FRMD3: variants seen among roughly 807,000 people sequenced by gnomAD.
FRMD3 encodes FERM domain-containing protein 3.
A neutral mutation model predicts 70.2 loss-of-function variants in FRMD3; 33 were observed. The ratio of observed to expected loss-of-function variants is 0.47; its 90% CI spans 0.36 to 0.63. The LOEUF (loss-of-function observed/expected upper bound fraction) is 0.63, where lower values mean the gene tolerates loss of function less well. FRMD3 is among the 20% of genes least tolerant of loss of function. The probability of loss-of-function intolerance (pLI) is 0.00; values close to 1 mark genes in which losing one functional copy is unlikely to be tolerated. For missense variants in FRMD3, 632 were observed against 711.4 expected, an observed-to-expected ratio of 0.89 and a Z score of 1.27; for synonymous variants, 279 against 255.9, an observed-to-expected ratio of 1.09 and a Z score of -0.86.
chr9:83,377,486 G>T (rs370918193), intron 2 of FRMD3, among the ~76,000 whole-genome samples: 2 of 151,944 alleles, frequency 1.3e-5, no homozygotes, highest in Admixed American at 1.3e-4. Flanking sequence ...CAATGTTGGA[G>T]GTGGGGCCTG....
At chr9:83,297,837 A>ATT (rs779808197) in intron 12 of FRMD3, 1 of 471,716 alleles carries the variant, frequency 2.1e-6, no homozygotes, top group South Asian at 1.5e-5. Flanking sequence ...TATCATGCCA[A>ATT]CTGCACTTCT....
chr9:83,309,519 G>C lies in FRMD3; in HGVS notation c.926+17C>G. The C allele has an allele frequency of 6.7e-7, 1 of 1,490,706 alleles. No homozygotes were observed. Among genetic ancestry groups the C allele is most frequent in the Non-Finnish European group, 9.2e-7 (1 of 1,091,408 alleles). 92.3% of individuals were successfully genotyped at this position (1,490,706 alleles called of 1,614,324 possible). On this transcript the variant is annotated intron_variant, in intron 10 of 13. Coordinates refer to ENST00000304195, the MANE Select transcript of FRMD3 (RefSeq NM_174938.6). ...GTGCTTTTAAAAGCTATAATTAAAT[G>C]AATAAAAGCCACTTACTTATAAAAG...
intron 1 of FRMD3, among the ~76,000 whole-genome samples, chr9:83,425,974 A>T (rs1433784879): frequency 6.6e-6 from 1 of 151,678 alleles, no homozygotes; most frequent in Non-Finnish European, 1.5e-5. Flanking sequence ...GAAGAGGAAG[A>T]GATTATTAAA....
intron 1 of FRMD3, among the ~76,000 whole-genome samples, chr9:83,479,721 A>AAAGG (rs1554710660): frequency 1.6e-5 from 1 of 62,998 alleles, no homozygotes; most frequent in Non-Finnish European, 3.0e-5. Context: ...AGAAAGAAAG[A>AAAGG]AAAGAAAGGG....
At chr9:83,483,072 T>C (rs939955812) in intron 1 of FRMD3, among the ~76,000 whole-genome samples, 5 of 152,156 alleles carry the variant, frequency 3.3e-5, no homozygotes, top group Admixed American at 6.6e-5. Flanking sequence ...CCCACACAAA[T>C]GTGATTTGAA....
At chr9:83,544,416 G>A in the FRMD3 span, among the ~76,000 whole-genome samples, 1 of 152,110 alleles carries the variant, frequency 6.6e-6, no homozygotes, top group Non-Finnish European at 1.5e-5. Flanking sequence ...GCTTGACTCA[G>A]CTTTGGCCAC....
chr9:83,430,005 C>T (rs905554683), intron 1 of FRMD3, among the ~76,000 whole-genome samples: 2 of 152,188 alleles, frequency 1.3e-5, no homozygotes, highest in Admixed American at 6.5e-5. Flanking sequence ...TCTTAGAATT[C>T]GGATATCGTA....
At chr9:83,350,623 C>CAAAAAAAAAAAAAAAAAAAAAAAAAAAA (rs761012697) in intron 3 of FRMD3, 1 of 199,258 alleles carries the variant, frequency 5.0e-6, no homozygotes, top group Non-Finnish European at 6.5e-6. Context: ...AACTCCATCT[C>CAAAAAAAAAAAAAAAAAAAAAAAAAAAA]AAAAAAAAAA....
rs191709013 is a variant in FRMD3 at position 83,350,656 on chromosome 9, A to G, written c.296-899T>C. 3 of 593,172 alleles carry G rather than the reference A, an allele frequency of 5.1e-6. No individual in the cohort carries two copies. The Admixed American group carries it at 1.9e-4, about 38-fold the overall frequency. 36.7% of individuals were successfully genotyped at this position (593,172 alleles called of 1,614,324 possible). Reference sequence around the variant, plus strand: ...AAAAAAAAGAAAGAAAGAAAAAGAAAAAGAAAGAAGAAAAAGAAAAAAAAG... The same window carrying G: ...AAAAAAAAGAAAGAAAGAAAAAGAAGAAGAAAGAAGAAAAAGAAAAAAAAG... On this transcript the variant is annotated intron_variant, in intron 3 of 13. Coordinates refer to ENST00000304195, the MANE Select transcript of FRMD3 (RefSeq NM_174938.6).
the FRMD3 span, among the ~76,000 whole-genome samples, chr9:83,563,351 C>G: frequency 6.6e-6 from 1 of 152,172 alleles, no homozygotes; most frequent in South Asian, 2.1e-4. Context: ...AGTGTGACAG[C>G]CCTGCTAAGC....
rs114118865 is a variant in FRMD3 at position 83,524,464 on chromosome 9, T to C, written c.147+13621A>G. ...GTAGACATGGAAAGAATTTAGACTG[T>C]GTCCTTGGATGACAGTTCCAAGACA... On this transcript the variant is annotated intron_variant, in intron 1 of 13. Transcript: ENST00000304195. 1.6e-3 allele frequency among the ~76,000 whole-genome samples: 249 copies of C among 152,358 alleles called. 2 individuals are homozygous for C. Among genetic ancestry groups the C allele is most frequent in the African/African-American group, 5.7e-3 (237 of 41,588 alleles).
At position 83,253,161 on chromosome 9, in the gene FRMD3, G is replaced by C. The variant is rs115503590; in HGVS notation, c.1196-4645C>G. Reference sequence around the variant, plus strand: ...CAAGAAATGCAAAAGAACTGAAATCGTAACAGTCTGTCAGCCCACAGTGCA... The same window carrying C: ...CAAGAAATGCAAAAGAACTGAAATCCTAACAGTCTGTCAGCCCACAGTGCA... On this transcript the variant is annotated intron_variant, in intron 13 of 13. Transcript: ENST00000304195. Among the ~76,000 whole-genome samples the C allele has an allele frequency of 9.2e-4, 140 of 152,036 alleles. 1 individual carries two copies. The South Asian group carries it at 0.026, about 28-fold the overall frequency.
intron 1 of FRMD3, among the ~76,000 whole-genome samples, chr9:83,459,762 A>G (rs1034707126): frequency 1.2e-4 from 18 of 152,254 alleles, no homozygotes; most frequent in African/African-American, 3.1e-4. Flanking sequence ...TCAGGCTGCC[A>G]TAACAAAATA....
At chr9:83,533,169 T>G (rs1224903552) in intron 1 of FRMD3, among the ~76,000 whole-genome samples, 1 of 152,202 alleles carries the variant, frequency 6.6e-6, no homozygotes, top group African/African-American at 2.4e-5. Flanking sequence ...GAGCTCTGGA[T>G]TTTGAGTCAA....
the FRMD3 span, among the ~76,000 whole-genome samples, chr9:83,562,520 A>G: frequency 6.6e-6 from 1 of 152,316 alleles, no homozygotes; most frequent in East Asian, 1.9e-4. Flanking sequence ...AGCTATGCCC[A>G]AGGTGACTTC....
intron 13 of FRMD3, among the ~76,000 whole-genome samples, chr9:83,286,691 T>C (rs1834228736): frequency 6.6e-6 from 1 of 152,128 alleles, no homozygotes; most frequent in African/African-American, 2.4e-5. Context: ...ACAAATCTAG[T>C]TCCAAAATAT....
chr9:83,409,062 T>C (rs1020518293), intron 1 of FRMD3, among the ~76,000 whole-genome samples: 1 of 152,032 alleles, frequency 6.6e-6, no homozygotes, highest in Non-Finnish European at 1.5e-5. Context: ...AAAGAATCAG[T>C]TCCATGCAGG....
At chr9:83,440,945 T>C (rs1827275988) in intron 1 of FRMD3, among the ~76,000 whole-genome samples, 1 of 152,156 alleles carries the variant, frequency 6.6e-6, no homozygotes, top group East Asian at 1.9e-4. Flanking sequence ...CCATTTGCAG[T>C]AGGTCTTGGC....
chr9:83,442,254 C>CTTTTTT (rs57472225), intron 1 of FRMD3, among the ~76,000 whole-genome samples: 1 of 121,548 alleles, frequency 8.2e-6, no homozygotes, highest in Non-Finnish European at 1.7e-5. Context: ...TTATACAGAT[C>CTTTTTT]TTTTTTTTTT....
Sources: allele counts gnomAD v4.1 joint callset (sites outside exome capture counted in the v4.1 genomes callset), GRCh38; gene constraint gnomAD v4.1.1; transcripts MANE v1.5; gene names NCBI Gene and HGNC (gene_info 2026-07-23, HGNC 2026-07-21).